Variants in CCDC192 observed in about 807,000 individuals in gnomAD.
CCDC192 encodes the protein coiled-coil domain-containing protein 192.
At chr5:127,783,145 G>A (rs990118303) in intron 3 of CCDC192, among the ~76,000 whole-genome samples, 1 of 151,928 alleles carries the variant, frequency 6.6e-6, no homozygotes, top group Admixed American at 6.6e-5. Context: ...ACAGGCACGT[G>A]CCACCATGAC....
At chr5:127,719,188 T>A (rs1441565830) in intron 2 of CCDC192, among the ~76,000 whole-genome samples, 1 of 152,130 alleles carries the variant, frequency 6.6e-6, no homozygotes, top group Non-Finnish European at 1.5e-5. Flanking sequence ...CTTAACATAA[T>A]GTCCTCCAAT....
At chr5:127,827,256 T>G (rs1749574725) in intron 5 of CCDC192, among the ~76,000 whole-genome samples, 1 of 151,936 alleles carries the variant, frequency 6.6e-6, no homozygotes, top group Non-Finnish European at 1.5e-5. Flanking sequence ...TGAGGAAGAG[T>G]AAAGGGAGTA....
intron 6 of CCDC192, among the ~76,000 whole-genome samples, chr5:127,892,775 T>C (rs945169859): frequency 3.2e-4 from 48 of 152,208 alleles, no homozygotes; most frequent in African/African-American, 1.2e-3. Context: ...CAAATAAAGA[T>C]TTTATTTTAT....
intron 6 of CCDC192, among the ~76,000 whole-genome samples, chr5:127,877,485 A>C (rs1180404320): frequency 6.6e-6 from 1 of 152,164 alleles, no homozygotes; most frequent in Non-Finnish European, 1.5e-5. Context: ...TTGGAGCTAC[A>C]TGTTGCTTCT....
intron 5 of CCDC192, among the ~76,000 whole-genome samples, chr5:127,809,009 T>C: frequency 6.6e-6 from 1 of 152,172 alleles, no homozygotes; most frequent in South Asian, 2.1e-4. Flanking sequence ...AGAGATTTAT[T>C]TGTAATTTTA....
intron 3 of CCDC192, among the ~76,000 whole-genome samples, chr5:127,758,871 C>G (rs1754758108): frequency 6.6e-6 from 1 of 152,204 alleles, no homozygotes; most frequent in Non-Finnish European, 1.5e-5. Flanking sequence ...TGACCATACA[C>G]AAGCAAATAG....
At chr5:127,711,765 T>C (rs1351217888) in intron 2 of CCDC192, among the ~76,000 whole-genome samples, 2 of 152,200 alleles carry the variant, frequency 1.3e-5, no homozygotes, top group South Asian at 2.1e-4. Context: ...ATTGTATATG[T>C]ATCTATATTT....
At chr5:127,730,476 T>G (rs1752581561) in intron 2 of CCDC192, among the ~76,000 whole-genome samples, 1 of 152,176 alleles carries the variant, frequency 6.6e-6, no homozygotes, top group African/African-American at 2.4e-5. Context: ...ATTCTGAAAC[T>G]ATTCCAAGCA....
intron 6 of CCDC192, among the ~76,000 whole-genome samples, chr5:127,893,198 G>C (rs572463681): frequency 6.6e-6 from 1 of 152,120 alleles, no homozygotes; most frequent in Non-Finnish European, 1.5e-5. Flanking sequence ...ACACTGGCAG[G>C]CACCAGGAAG....
At chr5:127,741,056 T>C (rs999146348) in intron 2 of CCDC192, among the ~76,000 whole-genome samples, 1 of 152,132 alleles carries the variant, frequency 6.6e-6, no homozygotes, top group Non-Finnish European at 1.5e-5. Flanking sequence ...TTTTATTTAG[T>C]TGTTGTTGTC....
intron 6 of CCDC192, among the ~76,000 whole-genome samples, chr5:127,938,653 ATAT>A (rs1446751669): frequency 6.6e-6 from 1 of 152,278 alleles, no homozygotes; most frequent in Non-Finnish European, 1.5e-5. Context: ...TGTATTCTAA[ATAT>A]TATCATTTTA....
At chr5:127,920,866 G>T (rs550637278) in intron 6 of CCDC192, among the ~76,000 whole-genome samples, 1 of 151,736 alleles carries the variant, frequency 6.6e-6, no homozygotes, top group Non-Finnish European at 1.5e-5. Flanking sequence ...TTTGAGATCA[G>T]CCTGGTCAAC....
chr5:127,884,484 A>G (rs1421035141), intron 6 of CCDC192, among the ~76,000 whole-genome samples: 1 of 151,928 alleles, frequency 6.6e-6, no homozygotes, highest in Non-Finnish European at 1.5e-5. Context: ...GGTACTTGCA[A>G]TCAAGGAACA....
intron 5 of CCDC192, among the ~76,000 whole-genome samples, chr5:127,810,818 C>G (rs746055739): frequency 2.0e-5 from 3 of 152,088 alleles, no homozygotes; most frequent in African/African-American, 7.2e-5. Flanking sequence ...GCAGAAAGTT[C>G]AGTTTCGGTC....
At chr5:127,926,744 A>T (rs1324441492) in intron 6 of CCDC192, among the ~76,000 whole-genome samples, 3 of 152,192 alleles carry the variant, frequency 2.0e-5, no homozygotes, top group African/African-American at 7.2e-5. Context: ...GGTCCGACCT[A>T]GAGTTGTAAA....
chr5:127,918,668 G>A (rs1360807045), intron 6 of CCDC192, among the ~76,000 whole-genome samples: 1 of 152,064 alleles, frequency 6.6e-6, no homozygotes, highest in Non-Finnish European at 1.5e-5. Flanking sequence ...CTTTTATATT[G>A]GTTCATATTT....
intron 5 of CCDC192, among the ~76,000 whole-genome samples, chr5:127,859,310 G>A (rs1751253965): frequency 6.6e-6 from 1 of 152,064 alleles, no homozygotes; most frequent in South Asian, 2.1e-4. Flanking sequence ...AACTTTCTGA[G>A]AGGGTCTTCT....
intron 2 of CCDC192, among the ~76,000 whole-genome samples, chr5:127,720,932 G>A (rs1751984614): frequency 6.6e-6 from 1 of 152,230 alleles, no homozygotes; most frequent in African/African-American, 2.4e-5. Context: ...AGAGCAGCAG[G>A]ACCTTGGGCC....
intron 3 of CCDC192, among the ~76,000 whole-genome samples, chr5:127,758,822 A>T (rs1404257412): frequency 6.6e-6 from 1 of 152,212 alleles, no homozygotes; most frequent in Non-Finnish European, 1.5e-5. Flanking sequence ...CAGTGAATAT[A>T]AGAGGACAAG....
Sources: allele counts gnomAD v4.1 joint callset (sites outside exome capture counted in the v4.1 genomes callset), GRCh38; gene constraint gnomAD v4.1.1; transcripts MANE v1.5; gene names NCBI Gene and HGNC (gene_info 2026-07-23, HGNC 2026-07-21).